Variants in CNTNAP4 observed in about 807,000 individuals in gnomAD.
CNTNAP4 encodes contactin associated protein family member 4.
In CNTNAP4, 98 loss-of-function variants were observed where a neutral mutation model predicts 148.4. That is an observed-to-expected ratio of 0.66 (90% CI 0.56 to 0.78). CNTNAP4 has a LOEUF of 0.78. Among genes scored for constraint, CNTNAP4 ranks in the 30% least tolerant of loss-of-function variants. The pLI is 0.00. For synonymous variants in CNTNAP4, 730 were observed against 565.1 expected, an observed-to-expected ratio of 1.29 and a Z score of -4.14; for missense variants, 1,935 against 1,565.6, an observed-to-expected ratio of 1.24 and a Z score of -3.98.
At chr16:76,320,242 C>T (rs191861208) in intron 2 of CNTNAP4, among the ~76,000 whole-genome samples, 15 of 152,220 alleles carry the variant, frequency 9.9e-5, no homozygotes, top group African/African-American at 3.1e-4. Context: ...AAGATTAGAT[C>T]TTGTAAACAA....
At chr16:76,537,783 A>G (rs553429955) in intron 18 of CNTNAP4, among the ~76,000 whole-genome samples, 6 of 152,256 alleles carry the variant, frequency 3.9e-5, no homozygotes, top group Middle Eastern at 3.4e-3. Flanking sequence ...ACTATCTGCA[A>G]TATAACAGAT....
chr16:76,490,194 C>T (rs185047922), intron 13 of CNTNAP4, among the ~76,000 whole-genome samples: 1 of 152,188 alleles, frequency 6.6e-6, no homozygotes, highest in Non-Finnish European at 1.5e-5. Context: ...GTGTTTATCC[C>T]TGATAAAGGG....
chr16:76,545,975 C>T (rs1027438164), intron 21 of CNTNAP4, among the ~76,000 whole-genome samples: 2 of 151,280 alleles, frequency 1.3e-5, no homozygotes, highest in Non-Finnish European at 2.9e-5. Context: ...GCGGAGGTTG[C>T]GGTGAGCTGA....
chr16:76,343,428 C>G (rs1468053072), intron 2 of CNTNAP4, among the ~76,000 whole-genome samples: 1 of 152,170 alleles, frequency 6.6e-6, no homozygotes, highest in East Asian at 1.9e-4. Flanking sequence ...CACATCCTGA[C>G]AGACTTGATC....
intron 1 of CNTNAP4, among the ~76,000 whole-genome samples, chr16:76,278,378 C>A (rs984146406): frequency 6.6e-6 from 1 of 152,168 alleles, no homozygotes; most frequent in Non-Finnish European, 1.5e-5. Context: ...AAAGGAAAAC[C>A]AGTCAGGTGG....
intron 17 of CNTNAP4, among the ~76,000 whole-genome samples, chr16:76,522,638 T>TTCCTTCCTTCCTTCCTTCC (rs2083509066): frequency 1.5e-4 from 12 of 82,584 alleles, no homozygotes; most frequent in Admixed American, 4.8e-4. Flanking sequence ...TCCTTCCTTC[T>TTCCTTCCTTCCTTCCTTCC]TTCTTTCTTT....
At chr16:76,517,653 T>C (rs1240646886) in intron 15 of CNTNAP4, among the ~76,000 whole-genome samples, 1 of 152,244 alleles carries the variant, frequency 6.6e-6, no homozygotes, top group Non-Finnish European at 1.5e-5. Flanking sequence ...TGTTCCTTTA[T>C]AAACAGCTTT....
chr16:76,505,817 T>C (rs1380629918), intron 15 of CNTNAP4, among the ~76,000 whole-genome samples: 1 of 96,530 alleles, frequency 1.0e-5, no homozygotes, highest in African/African-American at 2.6e-5. Context: ...GGAGGATTGC[T>C]TGAGACTGGG....
At chr16:76,481,771 G>T (rs1199570610) in intron 12 of CNTNAP4, among the ~76,000 whole-genome samples, 1 of 152,126 alleles carries the variant, frequency 6.6e-6, no homozygotes, top group Non-Finnish European at 1.5e-5. Flanking sequence ...TATCTTTCGG[G>T]CAGAGGAAAC....
At chr16:76,310,373 C>G (rs1039225826) in intron 1 of CNTNAP4, among the ~76,000 whole-genome samples, 1 of 152,052 alleles carries the variant, frequency 6.6e-6, no homozygotes, top group Non-Finnish European at 1.5e-5. Context: ...TAATTCCATA[C>G]TTTCTTAAAT....
chr16:76,402,925 T>G (rs953975316), intron 3 of CNTNAP4, among the ~76,000 whole-genome samples: 4 of 152,200 alleles, frequency 2.6e-5, no homozygotes, highest in Non-Finnish European at 2.9e-5. Flanking sequence ...AGTTAGGTTC[T>G]TTTGCATTTG....
chr16:76,409,141 C>T (rs969358927), intron 3 of CNTNAP4, among the ~76,000 whole-genome samples: 2 of 151,918 alleles, frequency 1.3e-5, no homozygotes, highest in African/African-American at 4.8e-5. Flanking sequence ...AGATAAATAT[C>T]ATTTAAGTGT....
At position 76,515,871 on chromosome 16, in the gene CNTNAP4, G is replaced by A. The variant is rs1399355111; in HGVS notation, c.2366-5269G>A. The stretch of plus-strand genomic sequence containing the variant: ...GAAATTGGATCACTCATACACTGCT[G>A]GTAGGAATGTCAAATAACAAAACCA... On this transcript the variant is annotated intron_variant, in intron 15 of 23. Transcript: ENST00000611870. 9.9e-5 allele frequency among the ~76,000 whole-genome samples: 15 copies of A among 151,984 alleles called. 1 individual carries two copies. Among genetic ancestry groups the A allele is most frequent in the Admixed American group, 9.8e-4 (15 of 15,268 alleles).
At chr16:76,384,065 A>C (rs112510695) in intron 3 of CNTNAP4, among the ~76,000 whole-genome samples, 1 of 151,448 alleles carries the variant, frequency 6.6e-6, no homozygotes, top group Non-Finnish European at 1.5e-5. Context: ...TTTTTTTGAG[A>C]TGGAGTCTCG....
intron 3 of CNTNAP4, among the ~76,000 whole-genome samples, chr16:76,380,320 C>T (rs1012863769): frequency 6.6e-6 from 1 of 152,128 alleles, no homozygotes; most frequent in African/African-American, 2.4e-5. Context: ...GCGTATAGGA[C>T]CAGGATTTGT....
At chr16:76,301,230 TG>T (rs1173513539) in intron 1 of CNTNAP4, among the ~76,000 whole-genome samples, 1 of 152,162 alleles carries the variant, frequency 6.6e-6, no homozygotes, top group Non-Finnish European at 1.5e-5. Flanking sequence ...GCAGCTGTCT[TG>T]AAAAACAAAA....
At chr16:76,303,884 A>T (rs1007051654) in intron 1 of CNTNAP4, among the ~76,000 whole-genome samples, 2 of 152,104 alleles carry the variant, frequency 1.3e-5, no homozygotes, top group Non-Finnish European at 2.9e-5. Flanking sequence ...AGAGGGAAGG[A>T]TAGCCATGTG....
At position 76,452,394 on chromosome 16, in the gene CNTNAP4, C is replaced by G. The variant is rs2080530817; in HGVS notation, c.1072-114C>G. On this transcript the variant is annotated intron_variant, in intron 7 of 23. Transcript: ENST00000611870. ...GTGGTTTGGACTGTCATGTTGATAG[C>G]AGGCAGTTGTTTTAAATCGCGGATA... 5.1e-6 allele frequency: 5 copies of G among 973,182 alleles called. No homozygotes were observed. In the East Asian group the frequency reaches 9.8e-5, roughly 19 times the overall value. The allele number at this position is 973,182 out of a possible 1,614,324, so 60.3% of individuals were successfully genotyped here.
chr16:76,416,125 T>C (rs2078973538), intron 3 of CNTNAP4, among the ~76,000 whole-genome samples: 2 of 151,316 alleles, frequency 1.3e-5, no homozygotes, highest in African/African-American at 4.8e-5. Flanking sequence ...ATTTGTGATA[T>C]TGATAATTTG....
Sources: allele counts gnomAD v4.1 joint callset (sites outside exome capture counted in the v4.1 genomes callset), GRCh38; gene constraint gnomAD v4.1.1; transcripts MANE v1.5; gene names NCBI Gene and HGNC (gene_info 2026-07-23, HGNC 2026-07-21).